Variants in CFAP45 observed in about 807,000 individuals in gnomAD.
The protein encoded by CFAP45 is cilia- and flagella-associated protein 45.
CFAP45 carries 43 observed loss-of-function variants against 75.6 expected under a neutral mutation model. That is an observed-to-expected ratio of 0.57 (90% CI 0.45 to 0.73). CFAP45 has a LOEUF of 0.73. CFAP45 is among the 30% of genes least tolerant of loss of function. The pLI is 0.00. For synonymous variants in CFAP45, 223 were observed against 244.6 expected (o/e 0.91, Z 0.82); for missense variants, 689 against 701.5 (o/e 0.98, Z 0.20).
intron 10 of CFAP45, among the ~76,000 whole-genome samples, chr1:159,874,029 C>T (rs1033773007): frequency 2.1e-4 from 32 of 152,096 alleles, no homozygotes; most frequent in African/African-American, 7.7e-4. Flanking sequence ...CCAAATTTCC[C>T]TTAGAAACCT....
At chr1:159,874,037 C>T (rs1649346281) in intron 10 of CFAP45, among the ~76,000 whole-genome samples, 1 of 152,098 alleles carries the variant, frequency 6.6e-6, no homozygotes, top group South Asian at 2.1e-4. Flanking sequence ...CCCTTAGAAA[C>T]CTCTTCCACA....
At chr1:159,896,343 C>T (rs1205755514) in intron 1 of CFAP45, among the ~76,000 whole-genome samples, 1 of 152,206 alleles carries the variant, frequency 6.6e-6, no homozygotes, top group Non-Finnish European at 1.5e-5. Flanking sequence ...CTGAGCAGGA[C>T]AGAGGGAAGC....
chr1:159,884,221 G>A (rs1216858187), intron 7 of CFAP45, among the ~76,000 whole-genome samples: 2 of 151,722 alleles, frequency 1.3e-5, no homozygotes, highest in African/African-American at 4.9e-5. Context: ...TCCTTGGAAG[G>A]AAGGGACAAT....
At chr1:159,895,807 C>T (rs1649939631) in intron 1 of CFAP45, among the ~76,000 whole-genome samples, 1 of 152,202 alleles carries the variant, frequency 6.6e-6, no homozygotes, top group Non-Finnish European at 1.5e-5. Flanking sequence ...TGAGGCTAAG[C>T]ATTGGGAATA....
Position 159,873,041 on chromosome 1 carries a change from T to A in CFAP45, c.1480A>T (p.Ile494Phe). ...ENQQKEVQNR[I>F]ATFEEGRRLK... ...CGCCGGCCCTCCTCAAAGGTGGCAA[T>A]CCGGTTCTGCACTTCCTTCTGCTGG... Residue 494 changes from isoleucine to phenylalanine, a missense_variant, in exon 11 of 12, where the codon ATT (isoleucine) becomes TTT (phenylalanine). Ile to Phe is a conservative substitution (Grantham distance 21). Transcript: ENST00000368099. The A allele has an allele frequency of 6.2e-7, 1 of 1,614,220 alleles. No individual in the cohort carries two copies. Among genetic ancestry groups the A allele is most frequent in the Non-Finnish European group, 8.5e-7 (1 of 1,180,044 alleles).
chr1:159,884,503 T>C lies in CFAP45; in HGVS notation c.830A>G (p.Glu277Gly). 6.2e-7 allele frequency: 1 copy of C among 1,613,982 alleles called. No individual in the cohort carries two copies. Among genetic ancestry groups the C allele is most frequent in the Non-Finnish European group, 8.5e-7 (1 of 1,179,952 alleles). ...CTGCTCCTTCTCCTGCTCCCGCTGCTCAGCAAGCAGCGATCGCTCCTCCTG... is the reference window on the plus strand; with the variant it reads ...CTGCTCCTTCTCCTGCTCCCGCTGCCCAGCAAGCAGCGATCGCTCCTCCTG... ...KNQEERSLLAEQREQEKEQML... is the reference protein window; with the variant it reads ...KNQEERSLLAGQREQEKEQML... Residue 277 changes from glutamate (E) to glycine (G), a missense_variant, in exon 7 of 12, where the codon GAG becomes GGG. Transcript: ENST00000368099.
intron 6 of CFAP45, among the ~76,000 whole-genome samples, chr1:159,885,696 G>A (rs976626012): frequency 2.6e-5 from 4 of 152,248 alleles, no homozygotes; most frequent in Middle Eastern, 3.4e-3. Flanking sequence ...GGACCTGTCC[G>A]CAATGAGCGT....
chr1:159,872,980 A>T lies in CFAP45; in HGVS notation c.1541T>A (p.Ile514Asn), dbSNP rs1649315180. 5 of 1,614,202 alleles carry T rather than the reference A, an allele frequency of 3.1e-6. No individual in the cohort carries two copies. In the East Asian group the frequency reaches 1.1e-4, roughly 36 times the overall value. ...KEEAQKRRER[I>N]DEIKRKKLEE... ...AAGCTTTTTCCTCTTGATCTCATCG[A>T]TGCGCTCACGGCGTTTCTGGGCCTC... Residue 514 changes from isoleucine (I) to asparagine (N), a missense_variant, in exon 11 of 12, where the codon ATC (isoleucine) becomes AAC (asparagine). By Grantham distance (149) the Ile-to-Asn change is moderately radical (BLOSUM62 -3). Coordinates refer to ENST00000368099, the MANE Select transcript of CFAP45 (RefSeq NM_012337.3).
In CFAP45 at chr1:159,886,671, A is replaced by C; in HGVS notation, c.607T>G (p.Cys203Gly). The C allele has an allele frequency of 6.2e-7, 1 of 1,614,032 alleles. No individual in the cohort carries two copies. The change falls in exon 6 of 12, where the codon TGC becomes GGC. Residue 203 changes from cysteine to glycine, a missense_variant. Physicochemically the swap from Cys to Gly is radical, Grantham distance 159. Transcript: ENST00000368099. ...ATTTGGGCATCCCGGATGGCATGGCACTTAGCATTGAGGATAATCTGGAGA... is the reference window on the plus strand; with the variant it reads ...ATTTGGGCATCCCGGATGGCATGGCCCTTAGCATTGAGGATAATCTGGAGA... The part of the protein sequence containing the change: ...DMSKIILNAK[C>G]HAIRDAQILE...
intron 7 of CFAP45, 116 bp downstream of exon 7, chr1:159,884,320 T>C: frequency 2.8e-6 from 3 of 1,061,200 alleles, no homozygotes; most frequent in Non-Finnish European, 4.1e-6. Context: ...GGTGATGATG[T>C]TGTGAAATGA....
intron 1 of CFAP45, among the ~76,000 whole-genome samples, chr1:159,896,063 T>A (rs1649944968): frequency 6.6e-6 from 1 of 152,236 alleles, no homozygotes; most frequent in African/African-American, 2.4e-5. Context: ...ACGTATGTGG[T>A]CTCCACTGTG....
At chr1:159,888,041 G>A in intron 4 of CFAP45, 30 bp from the exon 5 acceptor site, 2 of 1,607,502 alleles carry the variant, frequency 1.2e-6, no homozygotes, top group Non-Finnish European at 1.7e-6. Context: ...CTCAGTGGGA[G>A]ATTATTTCAT....
rs1288704324 is a variant in CFAP45, at chr1:159,880,613, G to A, written c.985C>T (p.Leu329=). 2 of 1,613,926 alleles carry A rather than the reference G, an allele frequency of 1.2e-6. No homozygotes were observed. The highest frequency in any genetic ancestry group is 1.7e-5 in the Admixed American group (1 of 60,008). ...TCTGCCAGCTTCTCCTGAGCCAGCAGTTCTGCTTTCTGTTTCTGGTTTTCA... is the reference window on the plus strand; with the variant it reads ...TCTGCCAGCTTCTCCTGAGCCAGCAATTCTGCTTTCTGTTTCTGGTTTTCA... ...NDENQKQKAE[L]LAQEKLADQM... The change falls in exon 8 of 12, where the codon CTG becomes TTG. Residue 329 remains leucine (L), a synonymous_variant. Transcript: ENST00000368099.
Position 159,873,139 on chromosome 1 carries a change from C to T in CFAP45, c.1382G>A (p.Arg461Gln), listed in dbSNP as rs146416790. The T allele has an allele frequency of 1.3e-5, 21 of 1,613,928 alleles. No homozygotes were observed. Among genetic ancestry groups the T allele is most frequent in the East Asian group, 6.7e-5 (3 of 44,868 alleles). Residue 461 changes from arginine (R) to glutamine (Q), a missense_variant, in exon 11 of 12, where the codon CGG becomes CAG. Coordinates refer to ENST00000368099, the MANE Select transcript of CFAP45 (RefSeq NM_012337.3). ...TGTGGCCTTTTTCTCCTCCTCCAGCCGCTCCTTCTCAATCTGTTCTCTCTG... is the reference window on the plus strand; with the variant it reads ...TGTGGCCTTTTTCTCCTCCTCCAGCTGCTCCTTCTCAATCTGTTCTCTCTG... ...RAQREQIEKE[R>Q]LEEEKKATGR... is the part of the protein sequence containing the mutation.
At chr1:159,890,759 T>TTC in intron 2 of CFAP45, 137 bp from the exon 3 acceptor site, 2 of 377,394 alleles carry the variant, frequency 5.3e-6, no homozygotes, top group Non-Finnish European at 4.3e-6. Flanking sequence ...TTTCTTTTCT[T>TTC]TTTTTTTTTT....
At chr1:159,876,800 A>G (rs768244651) in intron 9 of CFAP45, 51 bp from the exon 10 acceptor site, 1 of 1,598,096 alleles carries the variant, frequency 6.3e-7, no homozygotes, top group Non-Finnish European at 8.6e-7. Context: ...CTGGAAGTAC[A>G]GACCAAGTGG....
chr1:159,892,341 C>T (rs943477998), intron 2 of CFAP45, among the ~76,000 whole-genome samples: 18 of 152,022 alleles, frequency 1.2e-4, no homozygotes, highest in Non-Finnish European at 2.1e-4. Flanking sequence ...TTTCCCTTAC[C>T]AACAGGAAAA....
chr1:159,877,246 T>G, intron 9 of CFAP45, 103 bp downstream of exon 9: 1 of 861,050 alleles, frequency 1.2e-6, no homozygotes, highest in South Asian at 1.3e-5. Flanking sequence ...ACTTGCATCC[T>G]TTCCTCCGCA....
At chr1:159,885,481 A>C (rs1021893986) in intron 6 of CFAP45, among the ~76,000 whole-genome samples, 13 of 152,218 alleles carry the variant, frequency 8.5e-5, no homozygotes, top group African/African-American at 2.9e-4. Context: ...TGGTACAAAG[A>C]TTATTTATAA....
Sources: allele counts gnomAD v4.1 joint callset (sites outside exome capture counted in the v4.1 genomes callset), GRCh38; gene constraint gnomAD v4.1.1; transcripts MANE v1.5; gene names NCBI Gene and HGNC (gene_info 2026-07-23, HGNC 2026-07-21).